CDH19: variants seen among roughly 807,000 people sequenced by gnomAD.
CDH19 encodes the protein cadherin 19, also known as cadherin-19.
In CDH19, 67 loss-of-function variants were observed where a neutral mutation model predicts 64.2. The ratio of observed to expected loss-of-function variants is 1.04; its 90% CI spans 0.86 to 1.28. CDH19 has a LOEUF of 1.28. Among genes scored for constraint, CDH19 ranks in the 50% most tolerant of loss-of-function variants. The probability of loss-of-function intolerance (pLI) is 0.00; values close to 1 mark genes in which losing one functional copy is unlikely to be tolerated. For missense variants in CDH19, 1,030 were observed against 929.0 expected (o/e 1.11, Z -1.41); for synonymous variants, 346 against 319.3 (o/e 1.08, Z -0.89).
At chr18:66,515,027 T>C (rs1985672403) in intron 9 of CDH19, among the ~76,000 whole-genome samples, 1 of 151,658 alleles carries the variant, frequency 6.6e-6, no homozygotes, top group Admixed American at 6.6e-5. Context: ...ATAGATTGAA[T>C]CATGAACTCT....
Position 66,568,563 on chromosome 18 carries a change from A to G in CDH19, c.343T>C (p.Leu115=). Residue 115 remains leucine, a synonymous_variant, in exon 3 of 12, where the codon TTA becomes CTA. Transcript: ENST00000262150. ...LDREERSLYI[L]RAQVIDIATG... is the part of the protein sequence containing the mutation. ...GCGATGTCTATTACCTGGGCTCTTA[A>G]GATGTAGAGGGATCGCTCCTCTCTA... 1 of 1,612,358 alleles carries G rather than the reference A, an allele frequency of 6.2e-7. No individual in the cohort carries two copies. Among genetic ancestry groups the G allele is most frequent in the Non-Finnish European group, 8.5e-7 (1 of 1,178,940 alleles).
At chr18:66,568,370 C>T (rs771069386) in intron 3 of CDH19, 46 bp downstream of exon 3, 1 of 1,437,734 alleles carries the variant, frequency 7.0e-7, no homozygotes, top group Non-Finnish European at 9.6e-7. Flanking sequence ...AATTTTAAAC[C>T]TGCTTCATTG....
At chr18:66,565,583 T>C (rs915079341) in intron 3 of CDH19, among the ~76,000 whole-genome samples, 1 of 152,050 alleles carries the variant, frequency 6.6e-6, no homozygotes, top group East Asian at 1.9e-4. Flanking sequence ...TAATGAAGAA[T>C]TGAAGTTATA....
In CDH19 at chr18:66,569,327, A is replaced by G. The variant is rs190786215; in HGVS notation, c.196-617T>C. On this transcript the variant is annotated intron_variant, in intron 2 of 11. Transcript: ENST00000262150. ...TGATATGATCAATTTTTCTATAGAGAAGAAAAGTGAGATTTTGTTTTACAA... is the reference window on the plus strand; with the variant it reads ...TGATATGATCAATTTTTCTATAGAGGAGAAAAGTGAGATTTTGTTTTACAA... 1.6e-3 allele frequency among the ~76,000 whole-genome samples: 238 copies of G among 151,756 alleles called. 2 individuals carry two copies. The highest frequency in any genetic ancestry group is 5.6e-3 in the African/African-American group (231 of 41,498).
At chr18:66,558,578 A>C (rs1987606327) in intron 3 of CDH19, among the ~76,000 whole-genome samples, 1 of 152,196 alleles carries the variant, frequency 6.6e-6, no homozygotes, top group Non-Finnish European at 1.5e-5. Context: ...GCAGACAGCA[A>C]TACAAAAATA....
chr18:66,507,170 A>G (rs1029538368), intron 11 of CDH19, among the ~76,000 whole-genome samples: 5 of 151,874 alleles, frequency 3.3e-5, no homozygotes, highest in African/African-American at 7.2e-5. Context: ...TGCTTTTACT[A>G]TTTATCTTTG....
Position 66,543,937 on chromosome 18 carries a change from A to G in CDH19, c.1214+34T>C, listed in dbSNP as rs759410123. ...TTTTTAATCTATTTTATATTTACTT[A>G]TTTATTAATGCAAAACTGACCTTAC... On this transcript the variant is annotated intron_variant, in intron 7 of 11. Coordinates refer to ENST00000262150, the MANE Select transcript of CDH19 (RefSeq NM_021153.4). The G allele has an allele frequency of 2.7e-6, 4 of 1,476,044 alleles. No homozygotes were observed. The African/African-American group carries it at 5.7e-5, about 21-fold the overall frequency. 91.4% of individuals were successfully genotyped at this position (1,476,044 alleles called of 1,614,324 possible).
At chr18:66,557,182 C>T (rs1987550038) in intron 3 of CDH19, among the ~76,000 whole-genome samples, 1 of 151,850 alleles carries the variant, frequency 6.6e-6, no homozygotes, top group African/African-American at 2.4e-5. Context: ...CTTGATTTCC[C>T]TTTGTATCTG....
Position 66,504,827 on chromosome 18 carries a change from C to T in CDH19, c.2304G>A (p.Val768=). The change falls in exon 12 of 12, where the codon GTG becomes GTA. Residue 768 remains valine, a synonymous_variant. Transcript: ENST00000262150. ...GTAAAAAGCCCTAATTATTTGACTGCACTGCAGAACCAAACATGCATGCTA... is the reference window on the plus strand; with the variant it reads ...GTAAAAAGCCCTAATTATTTGACTGTACTGCAGAACCAAACATGCATGCTA... ...KRLACMFGSA[V]QSNN The T allele has an allele frequency of 6.2e-7, 1 of 1,600,086 alleles. No individual in the cohort carries two copies. The highest frequency in any genetic ancestry group is 8.6e-7 in the Non-Finnish European group (1 of 1,169,210).
At chr18:66,591,247 T>A (rs1390036287) in intron 1 of CDH19, among the ~76,000 whole-genome samples, 2 of 151,950 alleles carry the variant, frequency 1.3e-5, no homozygotes, top group African/African-American at 4.8e-5. Flanking sequence ...TCATGTCATA[T>A]AAACATGAGA....
intron 1 of CDH19, among the ~76,000 whole-genome samples, chr18:66,575,761 A>C (rs1988247751): frequency 1.3e-5 from 2 of 151,912 alleles, no homozygotes; most frequent in Non-Finnish European, 1.5e-5. Flanking sequence ...GGATCTATGC[A>C]AAAATAGAAT....
Position 66,572,039 on chromosome 18 carries a change from T to C in CDH19, c.166A>G (p.Met56Val), listed in dbSNP as rs1348473615. Residue 56 changes from methionine (M) to valine (V), a missense_variant, in exon 2 of 12, where the codon ATG becomes GTG. Met to Val is a conservative substitution (Grantham distance 21). Transcript: ENST00000262150. The part of the protein sequence containing the change: ...VWNQFFVPEE[M>V]NTTSHHIGQL... The stretch of plus-strand genomic sequence containing the variant: ...CCGATGTGATGACTAGTCGTATTCA[T>C]TTCCTCTGGTACAAAAAATTGGTTC... 2 of 1,610,944 alleles carry C rather than the reference T, an allele frequency of 1.2e-6. No homozygotes were observed. The highest frequency in any genetic ancestry group is 1.7e-6 in the Non-Finnish European group (2 of 1,178,000).
In CDH19 at chr18:66,568,571, A is replaced by C. The variant is rs778685863; in HGVS notation, c.335T>G (p.Leu112Arg). The change falls in exon 3 of 12, where the codon CTC becomes CGC. Residue 112 changes from leucine (L) to arginine (R), a missense_variant. Physicochemically the swap from Leu to Arg is moderately radical, Grantham distance 102. Coordinates refer to ENST00000262150, the MANE Select transcript of CDH19 (RefSeq NM_021153.4). ...IQKLDREERSLYILRAQVIDI... is the reference protein window; with the variant it reads ...IQKLDREERSRYILRAQVIDI... ...TATTACCTGGGCTCTTAAGATGTAGAGGGATCGCTCCTCTCTATCAAGCTT... is the reference window on the plus strand; with the variant it reads ...TATTACCTGGGCTCTTAAGATGTAGCGGGATCGCTCCTCTCTATCAAGCTT... 1 of 1,612,330 alleles carries C rather than the reference A, an allele frequency of 6.2e-7. No individual in the cohort carries two copies. The highest frequency in any genetic ancestry group is 8.5e-7 in the Non-Finnish European group (1 of 1,178,934).
intron 3 of CDH19, among the ~76,000 whole-genome samples, chr18:66,558,388 T>G (rs1333265842): frequency 1.3e-5 from 2 of 151,724 alleles, no homozygotes; most frequent in Non-Finnish European, 2.9e-5. Context: ...TTTCAGTTAT[T>G]ATTGACACCA....
At chr18:66,561,676 T>C (rs1987728848) in intron 3 of CDH19, among the ~76,000 whole-genome samples, 1 of 152,084 alleles carries the variant, frequency 6.6e-6, no homozygotes. Context: ...CCAGTGGTAT[T>C]TGGAAATGCA....
rs752965631 is a variant in CDH19, at chr18:66,509,138, C to A, written c.1685G>T (p.Ser562Ile). 2 of 1,612,954 alleles carry A rather than the reference C, an allele frequency of 1.2e-6. No homozygotes were observed. Among genetic ancestry groups the A allele is most frequent in the Non-Finnish European group, 1.7e-6 (2 of 1,179,294 alleles). ...IADNGIPSLT[S>I]TNTLTIHVCD... ...GACATGGATGGTAAGGGTGTTTGTA[C>A]TTGTAAGTGACGGGATTCCATTGTC... Residue 562 changes from serine (S) to isoleucine (I), a missense_variant, in exon 11 of 12, where the codon AGT (serine) becomes ATT (isoleucine). By Grantham distance (142) the Ser-to-Ile change is moderately radical. Transcript: ENST00000262150.
At chr18:66,506,831 T>C (rs1327465869) in intron 11 of CDH19, among the ~76,000 whole-genome samples, 1 of 151,936 alleles carries the variant, frequency 6.6e-6, no homozygotes, top group Non-Finnish European at 1.5e-5. Context: ...GTTGGTTATA[T>C]AGTATTTATA....
chr18:66,586,043 C>T (rs574776597), intron 1 of CDH19, among the ~76,000 whole-genome samples: 2 of 152,168 alleles, frequency 1.3e-5, no homozygotes, highest in East Asian at 1.9e-4. Flanking sequence ...ATGACCTCTT[C>T]TTGGTTACAT....
Position 66,503,669 on chromosome 18 carries a change from A to T in CDH19, c.*1143T>A, listed in dbSNP as rs1985043368. ...TGTGTTTTGAGTTGCATATGAAAAAAAATCTATGACAAACACCTAAATATA... is the reference window on the plus strand; with the variant it reads ...TGTGTTTTGAGTTGCATATGAAAAATAATCTATGACAAACACCTAAATATA... On this transcript the variant is annotated 3_prime_UTR_variant, in exon 12 of 12. Transcript: ENST00000262150. 1 of 151,924 alleles carries T rather than the reference A, an allele frequency of 6.6e-6. No individual in the cohort carries two copies. Among genetic ancestry groups the T allele is most frequent in the Non-Finnish European group, 1.5e-5 (1 of 67,864 alleles). 9.4% of individuals were successfully genotyped at this position (151,924 alleles called of 1,614,324 possible). A position where few individuals can be genotyped will look rare whatever the true frequency, so the allele number is the denominator to read the frequency against.
Sources: gnomAD v4.1 joint callset for allele counts (sites outside exome capture counted in the v4.1 genomes callset) on GRCh38, gnomAD v4.1.1 for gene constraint, MANE v1.5 for transcripts, NCBI Gene and HGNC (gene_info 2026-07-23, HGNC 2026-07-21) for gene names.